The following F13A1 variants were observed in gnomAD, a reference collection of about 807,000 sequenced individuals.
F13A1 encodes the protein coagulation factor XIII A chain.
F13A1 carries 47 observed loss-of-function variants against 80.1 expected under a neutral mutation model. That is an observed-to-expected ratio of 0.59 (90% CI 0.46 to 0.75). F13A1 has a LOEUF of 0.75. Among genes scored for constraint, F13A1 ranks in the 30% least tolerant of loss-of-function variants. F13A1 has a pLI of 0.00. For synonymous variants in F13A1, 349 were observed against 344.9 expected (o/e 1.01, Z -0.13); for missense variants, 817 against 930.4 (o/e 0.88, Z 1.59).
In F13A1 at chr6:6,144,253, T is replaced by C. The variant is rs1267566700; in HGVS notation, c.*1366A>G. On this transcript the variant is annotated 3_prime_UTR_variant, in exon 15 of 15. Coordinates refer to ENST00000264870, the MANE Select transcript of F13A1 (RefSeq NM_000129.4). ...TTAGTAAAGTTAAGTATGATGTATATATAGAGGGGACCAGCTCACCCTCAT... is the reference window on the plus strand; with the variant it reads ...TTAGTAAAGTTAAGTATGATGTATACATAGAGGGGACCAGCTCACCCTCAT... The C allele has an allele frequency of 6.6e-6, 1 of 152,148 alleles. No individual in the cohort carries two copies. Among genetic ancestry groups the C allele is most frequent in the Non-Finnish European group, 1.5e-5 (1 of 68,022 alleles). The allele number at this position is 152,148 out of a possible 1,614,324, so 9.4% of individuals were successfully genotyped here.
chr6:6,177,504 G>A (rs1378720774), intron 11 of F13A1, among the ~76,000 whole-genome samples: 1 of 152,240 alleles, frequency 6.6e-6, no homozygotes, highest in Non-Finnish European at 1.5e-5. Flanking sequence ...CTGGCACAGA[G>A]GATCTGAAGG....
intron 8 of F13A1, among the ~76,000 whole-genome samples, chr6:6,212,613 G>A (rs1459181081): frequency 1.3e-5 from 2 of 151,982 alleles, no homozygotes; most frequent in African/African-American, 4.8e-5. Context: ...ACTCTAAAAA[G>A]CAGAGCGCCT....
At chr6:6,205,120 G>GA (rs923111448) in intron 8 of F13A1, among the ~76,000 whole-genome samples, 51 of 152,182 alleles carry the variant, frequency 3.4e-4, no homozygotes, top group Non-Finnish European at 6.0e-4. Context: ...TGACCGCCAA[G>GA]AAAAAAGAAG....
At chr6:6,272,184 C>T (rs1210862668) in intron 3 of F13A1, among the ~76,000 whole-genome samples, 1 of 152,160 alleles carries the variant, frequency 6.6e-6, no homozygotes, top group Non-Finnish European at 1.5e-5. Flanking sequence ...AATTCATTGC[C>T]TTTTAAAAAA....
Position 6,195,791 on chromosome 6 carries a change from G to T in F13A1, c.1305+6C>A, listed in dbSNP as rs1257163783. ...AAACAGCACTTTCCTCCAGCTTCCT[G>T]CTTACCTCTGCAAAAACAAAAGGTG... is the stretch of plus-strand genomic sequence containing the variant. On this transcript the variant is annotated splice_donor_region_variant and intron_variant, in intron 10 of 14. Transcript: ENST00000264870. 2.5e-6 allele frequency: 4 copies of T among 1,613,562 alleles called. No individual in the cohort carries two copies. The South Asian group carries it at 3.3e-5, about 13-fold the overall frequency.
At chr6:6,193,139 A>G (rs575601367) in intron 10 of F13A1, among the ~76,000 whole-genome samples, 1 of 152,310 alleles carries the variant, frequency 6.6e-6, no homozygotes, top group South Asian at 2.1e-4. Context: ...GCCCTGGCAG[A>G]AACCCAGAAA....
intron 10 of F13A1, among the ~76,000 whole-genome samples, chr6:6,185,310 GTGA>G (rs1761059999): frequency 8.0e-6 from 1 of 125,428 alleles, no homozygotes; most frequent in East Asian, 2.3e-4. Flanking sequence ...TCCCCAAAGT[GTGA>G]TGATATTCCC....
intron 2 of F13A1, among the ~76,000 whole-genome samples, chr6:6,307,563 A>T (rs1758531124): frequency 6.6e-6 from 1 of 152,196 alleles, no homozygotes; most frequent in East Asian, 1.9e-4. Flanking sequence ...TTTTTTTTTA[A>T]AAATAGCTAA....
chr6:6,152,042 G>A (rs1268916987), intron 13 of F13A1, 93 bp from the exon 14 acceptor site: 1 of 1,503,820 alleles, frequency 6.6e-7, no homozygotes, highest in African/African-American at 1.4e-5. Flanking sequence ...AGAGTTTTAT[G>A]ATACAGTTAT....
chr6:6,271,794 TAATGTTTTTA>T (rs1189978976), intron 3 of F13A1, among the ~76,000 whole-genome samples: 1 of 152,252 alleles, frequency 6.6e-6, no homozygotes, highest in African/African-American at 2.4e-5. Context: ...GCCACAAAAC[TAATGTTTTTA>T]AGGCAAAAGC....
intron 3 of F13A1, among the ~76,000 whole-genome samples, chr6:6,284,569 TG>T (rs1266092834): frequency 6.6e-6 from 1 of 152,184 alleles, no homozygotes; most frequent in African/African-American, 2.4e-5. Context: ...ACATTCCTCA[TG>T]GGCCTGCCTG....
rs1035703705 is a variant in F13A1, at chr6:6,287,654, A to C, written c.319+17697T>G. 3.3e-5 allele frequency among the ~76,000 whole-genome samples: 5 copies of C among 152,312 alleles called. No individual in the cohort carries two copies. In the East Asian group the frequency reaches 7.7e-4, roughly 23 times the overall value. On this transcript the variant is annotated intron_variant, in intron 3 of 14. Coordinates refer to ENST00000264870, the MANE Select transcript of F13A1 (RefSeq NM_000129.4). ...CCTAGGGACCATAAGCTTCACTGGG[A>C]AACTCCAGCTCTGCAGACATGATGT...
At chr6:6,285,684 C>G (rs1269130881) in intron 3 of F13A1, among the ~76,000 whole-genome samples, 1 of 152,194 alleles carries the variant, frequency 6.6e-6, no homozygotes, top group Non-Finnish European at 1.5e-5. Flanking sequence ...AGGGCTTCCC[C>G]CACTACGCAC....
chr6:6,228,599 T>G lies in F13A1; in HGVS notation c.799-3739A>C, dbSNP rs1757308919. 3.3e-5 allele frequency among the ~76,000 whole-genome samples: 5 copies of G among 151,972 alleles called. No homozygotes were observed. The South Asian group carries it at 1.0e-3, about 32-fold the overall frequency. On this transcript the variant is annotated intron_variant, in intron 6 of 14. Coordinates refer to ENST00000264870, the MANE Select transcript of F13A1 (RefSeq NM_000129.4). ...AAATACAAAAACTAGCTGGGCATAG[T>G]GGCACATGCCTGTAGTCCCCGCTAC...
intron 10 of F13A1, among the ~76,000 whole-genome samples, chr6:6,186,244 A>G (rs1455375296): frequency 2.7e-5 from 4 of 150,876 alleles, no homozygotes; most frequent in African/African-American, 7.3e-5. Flanking sequence ...CCATTTGTCA[A>G]TTTTGGCTTT....
intron 14 of F13A1, among the ~76,000 whole-genome samples, chr6:6,148,723 C>T (rs1253587905): frequency 6.6e-6 from 1 of 152,084 alleles, no homozygotes; most frequent in Non-Finnish European, 1.5e-5. Flanking sequence ...GGCACTTGCT[C>T]CAAGTTGTAA....
intron 3 of F13A1, among the ~76,000 whole-genome samples, chr6:6,288,885 G>A (rs567353010): frequency 6.6e-5 from 10 of 152,218 alleles, no homozygotes; most frequent in Middle Eastern, 3.4e-3. Context: ...TTTAATTTGC[G>A]TTTCCCTGAT....
intron 12 of F13A1, among the ~76,000 whole-genome samples, chr6:6,173,619 G>C (rs1273167227): frequency 1.3e-5 from 2 of 152,110 alleles, no homozygotes; most frequent in Non-Finnish European, 2.9e-5. Flanking sequence ...TGTTAGTCAG[G>C]CTGGTCTCGA....
Position 6,294,472 on chromosome 6 carries a change from T to G in F13A1, c.319+10879A>C, listed in dbSNP as rs142096316. 2.0e-5 allele frequency among the ~76,000 whole-genome samples: 3 copies of G among 152,100 alleles called. No individual in the cohort carries two copies. In the East Asian group the frequency reaches 5.8e-4, roughly 29 times the overall value. On this transcript the variant is annotated intron_variant, in intron 3 of 14. Transcript: ENST00000264870. ...AGCCTATTGTGGGACCTTGTGACCATATAAATTAATACTTAAATAAACTCC... is the reference window on the plus strand; with the variant it reads ...AGCCTATTGTGGGACCTTGTGACCAGATAAATTAATACTTAAATAAACTCC...
Sources: gnomAD v4.1 joint callset for allele counts (sites outside exome capture counted in the v4.1 genomes callset) on GRCh38, gnomAD v4.1.1 for gene constraint, MANE v1.5 for transcripts, NCBI Gene and HGNC (gene_info 2026-07-23, HGNC 2026-07-21) for gene names.